Variants in ANO10 observed in about 807,000 individuals in gnomAD.
The protein encoded by ANO10 is anoctamin 10, also known as anoctamin-10.
A neutral mutation model predicts 74.7 loss-of-function variants in ANO10; 77 were observed. That is an observed-to-expected ratio of 1.03 (90% CI 0.86 to 1.25). The LOEUF (loss-of-function observed/expected upper bound fraction) is 1.25. Among genes scored for constraint, ANO10 ranks in the 50% most tolerant of loss-of-function variants. The probability of loss-of-function intolerance (pLI) is 0.00; values close to 1 mark genes in which losing one functional copy is unlikely to be tolerated. For missense variants in ANO10, 721 were observed against 778.1 expected (o/e 0.93, Z 0.87); for synonymous variants, 279 against 284.9 (o/e 0.98, Z 0.21).
intron 1 of ANO10, among the ~76,000 whole-genome samples, chr3:43,682,142 C>T (rs1416791176): frequency 2.6e-5 from 4 of 151,976 alleles, no homozygotes; most frequent in Non-Finnish European, 4.4e-5. Flanking sequence ...AATCCAGGAG[C>T]TAGTTTTTTG....
chr3:43,398,667 G>A (rs2092425019), intron 12 of ANO10, among the ~76,000 whole-genome samples: 1 of 152,210 alleles, frequency 6.6e-6, no homozygotes, highest in African/African-American at 2.4e-5. Context: ...TTGCCTGCTT[G>A]TTACAATACT....
intron 12 of ANO10, among the ~76,000 whole-genome samples, chr3:43,395,117 A>T (rs2092353044): frequency 6.6e-6 from 1 of 152,132 alleles, no homozygotes; most frequent in Admixed American, 6.5e-5. Flanking sequence ...TCCAGCCCAG[A>T]GATGGTAATA....
At chr3:43,609,015 T>C (rs1296017464) in intron 1 of ANO10, among the ~76,000 whole-genome samples, 1 of 152,226 alleles carries the variant, frequency 6.6e-6, no homozygotes, top group Non-Finnish European at 1.5e-5. Context: ...TCCTCTTTAC[T>C]AAATTTCTCT....
intron 1 of ANO10, among the ~76,000 whole-genome samples, chr3:43,660,345 C>T (rs2083911750): frequency 6.6e-6 from 1 of 151,876 alleles, no homozygotes; most frequent in African/African-American, 2.4e-5. Context: ...AAGTTAAAAA[C>T]CTTGAAAAAA....
intron 12 of ANO10, among the ~76,000 whole-genome samples, chr3:43,388,443 T>C (rs2092187517): frequency 6.6e-6 from 1 of 152,086 alleles, no homozygotes; most frequent in African/African-American, 2.4e-5. Flanking sequence ...CATGTGTGAA[T>C]GCATGCCCTT....
chr3:43,453,966 A>G (rs926240629), intron 11 of ANO10, among the ~76,000 whole-genome samples: 3 of 152,230 alleles, frequency 2.0e-5, no homozygotes, highest in African/African-American at 7.2e-5. Flanking sequence ...TTACCTTTTT[A>G]GAGAAGACAT....
At chr3:43,487,319 A>C (rs531420090) in intron 11 of ANO10, among the ~76,000 whole-genome samples, 4 of 152,302 alleles carry the variant, frequency 2.6e-5, no homozygotes, top group African/African-American at 9.6e-5. Context: ...CTGGCCTCAT[A>C]AAATGAGTTA....
intron 7 of ANO10, among the ~76,000 whole-genome samples, chr3:43,571,701 G>C (rs1277306989): frequency 1.3e-5 from 2 of 151,554 alleles, no homozygotes; most frequent in Admixed American, 1.3e-4. Flanking sequence ...GGGGGCAGGG[G>C]GGAGGGATAG....
intron 11 of ANO10, among the ~76,000 whole-genome samples, chr3:43,450,325 G>A (rs373896986): frequency 3.3e-5 from 5 of 152,140 alleles, no homozygotes; most frequent in African/African-American, 1.2e-4. Context: ...CAGAAGACCT[G>A]AGGTCAGGAG....
rs1244093955 is a variant in ANO10 at position 43,576,914 on chromosome 3, T to C, written c.940A>G (p.Ile314Val). 1.2e-6 allele frequency: 2 copies of C among 1,614,138 alleles called. No individual in the cohort carries two copies. The highest frequency in any genetic ancestry group is 4.5e-5 in the East Asian group (2 of 44,876). The change falls in exon 6 of 13, where the codon ATT becomes GTT. Residue 314 changes from isoleucine (I) to valine (V), a missense_variant. Ile to Val is a conservative substitution (Grantham distance 29). Transcript: ENST00000292246. ...ACGAATGGCAGGGAGACCAGGTAAA[T>C]GCGCAACTGTCTCTTGTAGCTGGGG... ...LYPSYKRQLR[I>V]YLVSLPFVCL...
intron 11 of ANO10, among the ~76,000 whole-genome samples, chr3:43,518,071 CAG>C (rs1196643987): frequency 6.6e-6 from 1 of 152,110 alleles, no homozygotes; most frequent in Non-Finnish European, 1.5e-5. Flanking sequence ...ACGTATGCTG[CAG>C]AGTGAGGGGA....
At chr3:43,610,144 A>C (rs2082744863) in intron 1 of ANO10, among the ~76,000 whole-genome samples, 1 of 151,966 alleles carries the variant, frequency 6.6e-6, no homozygotes, top group Non-Finnish European at 1.5e-5. Context: ...AAATTTTTTA[A>C]ACTTTTTTTT....
Position 43,577,087 on chromosome 3 carries a change from A to G in ANO10, c.767T>C (p.Val256Ala). ...FASFNLIWST[V>A]ILELWKRGCA... The stretch of plus-strand genomic sequence containing the variant: ...GCCACGCTTCCACAGTTCCAGAATC[A>G]CCGTGGACCAGATGAGGTTGAACGA... Residue 256 changes from valine (V) to alanine (A), a missense_variant, in exon 6 of 13, where the codon GTG (valine) becomes GCG (alanine). By Grantham distance (64) the Val-to-Ala change is moderately conservative. Transcript: ENST00000292246. 1.9e-6 allele frequency: 3 copies of G among 1,614,154 alleles called. No individual in the cohort carries two copies. The South Asian group carries it at 3.3e-5, about 18-fold the overall frequency.
At position 43,600,454 on chromosome 3, in the gene ANO10, T is replaced by C. The variant is rs2082288968; in HGVS notation, c.267A>G (p.Val89=). Residue 89 remains valine, a synonymous_variant, in exon 3 of 13, where the codon GTA becomes GTG. Coordinates refer to ENST00000292246, the MANE Select transcript of ANO10 (RefSeq NM_018075.5). ...MLLGAEAVGL[V]KECNDNTMRA... is the part of the protein sequence containing the mutation. The stretch of plus-strand genomic sequence containing the variant: ...TCATGGTGTTATCATTGCACTCTTT[T>C]ACCAATCCCACTGCTTCTGCCCCTA... The C allele has an allele frequency of 6.2e-7, 1 of 1,614,164 alleles. No individual in the cohort carries two copies. Among genetic ancestry groups the C allele is most frequent in the South Asian group, 1.1e-5 (1 of 91,086 alleles).
intron 2 of ANO10, among the ~76,000 whole-genome samples, chr3:43,602,900 A>C (rs2082400494): frequency 6.6e-6 from 1 of 152,138 alleles, no homozygotes; most frequent in Non-Finnish European, 1.5e-5. Context: ...TAACATGCTT[A>C]TAGAGCTATT....
chr3:43,687,496 C>G (rs567497864), intron 1 of ANO10, among the ~76,000 whole-genome samples: 21 of 152,118 alleles, frequency 1.4e-4, no homozygotes, highest in Non-Finnish European at 2.4e-4. Flanking sequence ...CAGTCATCAA[C>G]CAAGTGTATG....
intron 12 of ANO10, among the ~76,000 whole-genome samples, chr3:43,393,166 T>A (rs1188600144): frequency 6.6e-6 from 1 of 152,198 alleles, no homozygotes; most frequent in Non-Finnish European, 1.5e-5. Flanking sequence ...TACACTCACA[T>A]AACCAATGCC....
At chr3:43,542,498 T>C (rs538042488) in intron 11 of ANO10, among the ~76,000 whole-genome samples, 1 of 152,314 alleles carries the variant, frequency 6.6e-6, no homozygotes, top group South Asian at 2.1e-4. Flanking sequence ...TCATATGAAC[T>C]AATTGCTGAA....
intron 7 of ANO10, among the ~76,000 whole-genome samples, chr3:43,573,375 G>A (rs1406505506): frequency 6.6e-6 from 1 of 152,070 alleles, no homozygotes; most frequent in East Asian, 1.9e-4. Flanking sequence ...TTTCTCTGTA[G>A]GTTTGCCTAC....
Sources: allele counts gnomAD v4.1 joint callset (sites outside exome capture counted in the v4.1 genomes callset), GRCh38; gene constraint gnomAD v4.1.1; transcripts MANE v1.5; gene names NCBI Gene and HGNC (gene_info 2026-07-23, HGNC 2026-07-21).